The following LAMA2 variants were observed in gnomAD, a reference collection of about 807,000 sequenced individuals.
LAMA2 encodes the protein laminin subunit alpha-2.
A neutral mutation model predicts 364.8 loss-of-function variants in LAMA2; 269 were observed. The observed-to-expected ratio is 0.74, with a 90% confidence interval of 0.67 to 0.82. The LOEUF (loss-of-function observed/expected upper bound fraction) is 0.82, where lower values mean the gene tolerates loss of function less well. Ranked by LOEUF, LAMA2 falls within the 40% of genes least tolerant of loss-of-function variation. LAMA2 has a pLI of 0.00. For missense variants in LAMA2, 3,807 were observed against 3,873.2 expected, an observed-to-expected ratio of 0.98 and a Z score of 0.45; for synonymous variants, 1,379 against 1,370.6, an observed-to-expected ratio of 1.01 and a Z score of -0.14.
chr6:128,981,040 T>G lies in LAMA2; in HGVS notation c.113-68878T>G, dbSNP rs188992333. 3.8e-3 allele frequency among the ~76,000 whole-genome samples: 583 copies of G among 152,278 alleles called. 7 individuals are homozygous for G. Among genetic ancestry groups the G allele is most frequent in the Middle Eastern group, 0.02 (6 of 294 alleles). On this transcript the variant is annotated intron_variant, in intron 1 of 64. Coordinates refer to ENST00000421865, the MANE Select transcript of LAMA2 (RefSeq NM_000426.4). The stretch of plus-strand genomic sequence containing the variant: ...CGGACTCTTTCCCATATTTTTCTAC[T>G]TGGTGAAGGACATTCTAATCATCTA...
At chr6:129,099,114 GTTTTTTTTTTGTTTT>G (rs1316991739) in intron 4 of LAMA2, among the ~76,000 whole-genome samples, 7 of 109,386 alleles carry the variant, frequency 6.4e-5, no homozygotes, top group Non-Finnish European at 1.3e-4. Flanking sequence ...GGGCGGGGAG[GTTTTTTTTTTGTTTT>G]TTTTTTTTTT....
chr6:129,254,176 T>A (rs1786466790), intron 14 of LAMA2, among the ~76,000 whole-genome samples: 1 of 152,202 alleles, frequency 6.6e-6, no homozygotes, highest in African/African-American at 2.4e-5. Context: ...TCAACAAAAA[T>A]TCATATTCAG....
At chr6:129,397,015 AT>A (rs1210667393) in intron 37 of LAMA2, among the ~76,000 whole-genome samples, 3 of 151,498 alleles carry the variant, frequency 2.0e-5, no homozygotes, top group East Asian at 1.9e-4. Flanking sequence ...GAAAAAGAAA[AT>A]AAAAGAAAAC....
chr6:129,246,360 A>T (rs1196241941), intron 12 of LAMA2, among the ~76,000 whole-genome samples: 1 of 152,212 alleles, frequency 6.6e-6, no homozygotes, highest in Non-Finnish European at 1.5e-5. Context: ...AGCATGTTCT[A>T]AGGTTTCAAC....
intron 4 of LAMA2, among the ~76,000 whole-genome samples, chr6:129,104,131 C>A (rs553023321): frequency 4.9e-4 from 74 of 152,088 alleles, no homozygotes; most frequent in Non-Finnish European, 8.2e-4. Flanking sequence ...CTCAAGAAAT[C>A]TTCCTACCTA....
At chr6:129,329,313 C>T (rs1195284809) in intron 29 of LAMA2, among the ~76,000 whole-genome samples, 3 of 152,162 alleles carry the variant, frequency 2.0e-5, no homozygotes, top group Non-Finnish European at 4.4e-5. Context: ...CCAACTCTCA[C>T]TTTGCATGCT....
At chr6:129,165,913 T>TAC (rs201299745) in intron 9 of LAMA2, among the ~76,000 whole-genome samples, 8 of 151,460 alleles carry the variant, frequency 5.3e-5, no homozygotes, top group East Asian at 1.9e-4. Flanking sequence ...TATTTTGAGA[T>TAC]ACACACACAC....
intron 48 of LAMA2, among the ~76,000 whole-genome samples, chr6:129,459,068 A>G (rs1010278826): frequency 6.6e-6 from 1 of 152,000 alleles, no homozygotes; most frequent in Admixed American, 6.6e-5. Flanking sequence ...AATTTCCTCA[A>G]TGTGCAAACA....
intron 1 of LAMA2, among the ~76,000 whole-genome samples, chr6:128,959,630 A>C: frequency 6.6e-6 from 1 of 152,238 alleles, no homozygotes; most frequent in African/African-American, 2.4e-5. Context: ...TCTTCTTAGA[A>C]AACTGCTAAG....
At chr6:129,157,635 A>T in intron 8 of LAMA2, 1 of 1,612,248 alleles carries the variant, frequency 6.2e-7, no homozygotes, top group South Asian at 1.1e-5. Flanking sequence ...TAGCTTCAAA[A>T]CTGCTCGTAG....
intron 4 of LAMA2, among the ~76,000 whole-genome samples, chr6:129,136,062 T>G (rs1185544203): frequency 1.3e-5 from 2 of 152,262 alleles, no homozygotes; most frequent in Admixed American, 6.5e-5. Context: ...GGGGGAAATT[T>G]GCATTTAGTA....
chr6:128,938,756 G>A, intron 1 of LAMA2, among the ~76,000 whole-genome samples: 1 of 152,118 alleles, frequency 6.6e-6, no homozygotes, highest in Non-Finnish European at 1.5e-5. Context: ...AAGGTCCTGG[G>A]AGTACCAACA....
chr6:129,343,701 A>G (rs1355603067), intron 30 of LAMA2, among the ~76,000 whole-genome samples: 1 of 152,200 alleles, frequency 6.6e-6, no homozygotes, highest in Non-Finnish European at 1.5e-5. Context: ...GAGATATACA[A>G]GAGAAGCATG....
At chr6:129,086,533 G>T (rs1412901407) in intron 3 of LAMA2, among the ~76,000 whole-genome samples, 1 of 152,160 alleles carries the variant, frequency 6.6e-6, no homozygotes, top group Non-Finnish European at 1.5e-5. Flanking sequence ...ATAACCTTAG[G>T]TTAGAAATTC....
At chr6:128,975,340 A>G (rs2114626173) in intron 1 of LAMA2, among the ~76,000 whole-genome samples, 1 of 152,270 alleles carries the variant, frequency 6.6e-6, no homozygotes, top group East Asian at 1.9e-4. Flanking sequence ...AATTTCAGGC[A>G]AATAAAACTT....
chr6:129,100,961 C>T (rs975951538), intron 4 of LAMA2, among the ~76,000 whole-genome samples: 2 of 152,270 alleles, frequency 1.3e-5, no homozygotes, highest in Middle Eastern at 6.8e-3. Flanking sequence ...GTTTTGGATA[C>T]TTTTCTCTAA....
At chr6:129,093,164 A>G (rs1034285805) in intron 3 of LAMA2, among the ~76,000 whole-genome samples, 1 of 144,730 alleles carries the variant, frequency 6.9e-6, no homozygotes, top group East Asian at 2.0e-4. Flanking sequence ...TTTTTTTTGT[A>G]TTTTTTAGTA....
In LAMA2 at chr6:129,192,935, A is replaced by G. The variant is rs923496347; in HGVS notation, c.1782+82A>G. The G allele has an allele frequency of 1.6e-5, 22 of 1,373,582 alleles. No individual in the cohort carries two copies. The South Asian group carries it at 2.4e-4, about 15-fold the overall frequency. 85.1% of individuals were successfully genotyped at this position (1,373,582 alleles called of 1,614,324 possible). On this transcript the variant is annotated intron_variant, in intron 12 of 64. Coordinates refer to ENST00000421865, the MANE Select transcript of LAMA2 (RefSeq NM_000426.4). ...GTTTTAGTTGGTAATTCTTTTAAAG[A>G]AAGACAAAATCAAATACACACTGAA...
intron 28 of LAMA2, among the ~76,000 whole-genome samples, chr6:129,325,559 G>A (rs764710503): frequency 6.6e-6 from 1 of 151,342 alleles, no homozygotes; most frequent in East Asian, 1.9e-4. Flanking sequence ...AAAACAGCAC[G>A]TTTTAAGTTT....
Sources: gnomAD v4.1 joint callset for allele counts (sites outside exome capture counted in the v4.1 genomes callset) on GRCh38, gnomAD v4.1.1 for gene constraint, MANE v1.5 for transcripts, NCBI Gene and HGNC (gene_info 2026-07-23, HGNC 2026-07-21) for gene names.